Variants in USP20 observed in about 807,000 individuals in gnomAD.
USP20 encodes ubiquitin carboxyl-terminal hydrolase 20.
In USP20, 80 loss-of-function variants were observed where a neutral mutation model predicts 124.2. The observed-to-expected ratio is 0.64, with a 90% CI of 0.54 to 0.78. The LOEUF (loss-of-function observed/expected upper bound fraction) is 0.78. Ranked by LOEUF, USP20 falls within the 30% of genes least tolerant of loss-of-function variation. The pLI, the probability that USP20 is intolerant of heterozygous loss-of-function variation, is 0.00. For missense variants in USP20, 1,043 were observed against 1,244.4 expected (o/e 0.84, Z 2.44); for synonymous variants, 481 against 512.3 (o/e 0.94, Z 0.83).
Position 129,839,536 on chromosome 9 carries a change from TGGAGGTAGAGTAAAGACAGCA to T in USP20, c.-129+4043_-129+4063del, listed in dbSNP as rs1385436281. On this transcript the variant is annotated intron_variant, in intron 1 of 25. Transcript: ENST00000372429. This position sits in a 1 kb window ranked among gnomAD's most constrained non-coding sequence, Gnocchi z 4.5. ...GGGACTTAGGGAGAATGCTGTTGTG[TGGAGGTAGAGTAAAGACAGCA>T]GGAGGGAGAGAAAGGGTGTGCGAGG... Among the ~76,000 whole-genome samples, 4 of 149,938 alleles carry T rather than the reference TGGAGGTAGAGTAAAGACAGCA, an allele frequency of 2.7e-5. No homozygotes were observed. The highest frequency in any genetic ancestry group is 9.9e-5 in the African/African-American group (4 of 40,466).
intron 14 of USP20, chr9:129,870,179 C>T: frequency 3.5e-6 from 2 of 565,544 alleles, no homozygotes; most frequent in South Asian, 2.2e-5. Flanking sequence ...CTGCCTGAGG[C>T]CAGAGACCCG....
intron 1 of USP20, among the ~76,000 whole-genome samples, chr9:129,836,245 C>T (rs1261730860): frequency 6.6e-6 from 1 of 152,188 alleles, no homozygotes; most frequent in Admixed American, 6.5e-5. Context: ...AGTAGTTTTC[C>T]TTTTCTCAGT....
At chr9:129,876,282 G>A in intron 22 of USP20, 44 bp downstream of exon 22, 1 of 1,527,140 alleles carries the variant, frequency 6.5e-7, no homozygotes, top group Non-Finnish European at 8.9e-7. Flanking sequence ...GCCAGCCTCT[G>A]CCTGGGGCAG....
intron 10 of USP20, among the ~76,000 whole-genome samples, chr9:129,867,089 T>C (rs1462312542): frequency 6.6e-6 from 1 of 152,174 alleles, no homozygotes; most frequent in Non-Finnish European, 1.5e-5. Context: ...GAGCCTGGGC[T>C]GAGGGCTGCT....
chr9:129,869,860 C>T lies in USP20; in HGVS notation c.1565+16C>T. On this transcript the variant is annotated intron_variant, in intron 14 of 25. Coordinates refer to ENST00000372429, the MANE Select transcript of USP20 (RefSeq NM_001110303.4). ...ACATCCGACGGTGCGCCCACCTTGC[C>T]ACTACTGGGCGACATGGGCTGGGCC... 6.3e-7 allele frequency: 1 copy of T among 1,596,858 alleles called. No individual in the cohort carries two copies.
chr9:129,859,741 C>T (rs2033437548), intron 6 of USP20, among the ~76,000 whole-genome samples: 1 of 152,178 alleles, frequency 6.6e-6, no homozygotes, highest in Non-Finnish European at 1.5e-5. Context: ...AGTTAAAAGT[C>T]TGTATAATAC....
chr9:129,844,943 G>A (rs2032453042), intron 1 of USP20, among the ~76,000 whole-genome samples: 1 of 152,094 alleles, frequency 6.6e-6, no homozygotes, highest in African/African-American at 2.4e-5. Context: ...AGCACTTTGG[G>A]AGGTGGAGGT....
intron 1 of USP20, among the ~76,000 whole-genome samples, chr9:129,843,464 A>G (rs980504628): frequency 6.6e-6 from 1 of 151,868 alleles, no homozygotes; most frequent in Non-Finnish European, 1.5e-5. Context: ...GTCTGGTCGC[A>G]GTGACTCACG....
Position 129,861,391 on chromosome 9 carries a change from G to T in USP20, c.428-152G>T, listed in dbSNP as rs561735366. The T allele has an allele frequency of 6.1e-5, 43 of 702,340 alleles. No individual in the cohort carries two copies. In the South Asian group the frequency reaches 7.0e-4, roughly 11 times the overall value. The allele number at this position is 702,340 out of a possible 1,614,324, so 43.5% of individuals were successfully genotyped here. ...TGAGCAGGAACCACGTTAGTTTACTGGGAAGATTCCTGGGGTGGAACGCTT... is the reference window on the plus strand; with the variant it reads ...TGAGCAGGAACCACGTTAGTTTACTTGGAAGATTCCTGGGGTGGAACGCTT... On this transcript the variant is annotated intron_variant, in intron 7 of 25. Coordinates refer to ENST00000372429, the MANE Select transcript of USP20 (RefSeq NM_001110303.4).
rs374688989 is a variant in USP20 at position 129,873,481 on chromosome 9, G to T, written c.1661-1G>T. ...TCTGACCCTTTGTTTTACTGCCCTA[G>T]GTGACAACATGTACAGCTGTGAGCG... On this transcript the variant is annotated splice_acceptor_variant, in intron 15 of 25. Coordinates refer to ENST00000372429, the MANE Select transcript of USP20 (RefSeq NM_001110303.4). LOFTEE classifies it high-confidence loss of function. The T allele has an allele frequency of 1.9e-6, 3 of 1,613,964 alleles. No individual in the cohort carries two copies. The African/African-American group carries it at 4.0e-5, about 22-fold the overall frequency.
chr9:129,875,374 C>G lies in USP20; in HGVS notation c.2113C>G (p.Pro705Ala). The G allele has an allele frequency of 1.2e-6, 2 of 1,613,204 alleles. No individual in the cohort carries two copies. Among genetic ancestry groups the G allele is most frequent in the Non-Finnish European group, 1.7e-6 (2 of 1,179,876 alleles). Residue 705 changes from proline to alanine, a missense_variant, in exon 20 of 26, where the codon CCC (proline) becomes GCC (alanine). Physicochemically the swap from Pro to Ala is conservative, Grantham distance 27 (BLOSUM62 -1). Coordinates refer to ENST00000372429, the MANE Select transcript of USP20 (RefSeq NM_001110303.4). ...QVVSLAAMRE[P>A]SLLRFYVSRE... ...GGTGTCCCTGGCCGCCATGCGGGAG[C>G]CCAGCCTGCTGCGGTTCTACGTGTC...
At chr9:129,863,008 G>T (rs1213481862) in intron 8 of USP20, among the ~76,000 whole-genome samples, 178 bp from the exon 9 acceptor site, 1 of 152,080 alleles carries the variant, frequency 6.6e-6, no homozygotes, top group Non-Finnish European at 1.5e-5. Flanking sequence ...GATGAATTTT[G>T]GAGGATACAA....
rs1302349231 is a variant in USP20, at chr9:129,873,477, C to T, written c.1661-5C>T. 1.1e-5 allele frequency: 17 copies of T among 1,614,124 alleles called. No homozygotes were observed. The highest frequency in any genetic ancestry group is 1.3e-5 in the Non-Finnish European group (15 of 1,180,034). On this transcript the variant is annotated splice_polypyrimidine_tract_variant and splice_region_variant and intron_variant, in intron 15 of 25. Transcript: ENST00000372429. ...AACCTCTGACCCTTTGTTTTACTGC[C>T]CTAGGTGACAACATGTACAGCTGTG...
At chr9:129,878,062 A>T (rs1017774300) in intron 22 of USP20, among the ~76,000 whole-genome samples, 4 of 152,196 alleles carry the variant, frequency 2.6e-5, no homozygotes, top group Non-Finnish European at 5.9e-5. Context: ...ACAGAGTGAG[A>T]TTCCTTCTCA....
At chr9:129,860,716 C>A (rs945695211) in intron 6 of USP20, among the ~76,000 whole-genome samples, 1 of 152,306 alleles carries the variant, frequency 6.6e-6, no homozygotes, top group Non-Finnish European at 1.5e-5. Context: ...AAAGCAAGAC[C>A]CTGTCTCTAA....
rs1290462534 is a variant in USP20 at position 129,873,734 on chromosome 9, G to A, written c.1730G>A (p.Arg577Gln). The A allele has an allele frequency of 2.9e-5, 47 of 1,612,664 alleles. No individual in the cohort carries two copies. Among genetic ancestry groups the A allele is most frequent in the Non-Finnish European group, 3.7e-5 (44 of 1,180,008 alleles). ...GGAGTGAAGTACTGCAAAGTCCTGC[G>A]GTTGCCCGAGGTGAGCCAGTGGCCT... is the stretch of plus-strand genomic sequence containing the variant. The part of the protein sequence containing the change: ...RNGVKYCKVL[R>Q]LPEILCIHLK... The change falls in exon 17 of 26, where the codon CGG becomes CAG. Residue 577 changes from arginine to glutamine, a missense_variant. Arg to Gln is a conservative substitution (Grantham distance 43, BLOSUM62 1). Transcript: ENST00000372429.
intron 1 of USP20, among the ~76,000 whole-genome samples, chr9:129,836,822 A>G (rs3814546): frequency 0.19 from 28,569 of 152,132 alleles, 3,216 homozygotes; most frequent in South Asian, 0.26. Context: ...CTCACTGGAT[A>G]CGGAGTCCCT....
intron 4 of USP20, among the ~76,000 whole-genome samples, chr9:129,857,068 C>A (rs1309804260): frequency 2.0e-5 from 3 of 151,104 alleles, no homozygotes; most frequent in Admixed American, 6.6e-5. Flanking sequence ...AAAAAAAAAA[C>A]CCACGAGTAA....
intron 9 of USP20, among the ~76,000 whole-genome samples, chr9:129,864,646 C>T (rs1209760703): frequency 2.0e-5 from 3 of 151,670 alleles, no homozygotes; most frequent in Admixed American, 2.0e-4. Flanking sequence ...TGGTGGCGCG[C>T]ACCTGTATTC....
Sources: allele counts gnomAD v4.1 joint callset (sites outside exome capture counted in the v4.1 genomes callset), GRCh38; gene constraint gnomAD v4.1.1; non-coding constraint Gnocchi (gnomAD v3.1); transcripts MANE v1.5; gene names NCBI Gene and HGNC (gene_info 2026-07-23, HGNC 2026-07-21).